The following INPP5B variants were observed in gnomAD, a reference collection of about 807,000 sequenced individuals.
The protein encoded by INPP5B is type II inositol 1,4,5-trisphosphate 5-phosphatase.
INPP5B carries 90 observed loss-of-function variants against 118.5 expected under a neutral mutation model. The ratio of observed to expected loss-of-function variants is 0.76; its 90% confidence interval spans 0.64 to 0.90. INPP5B has a LOEUF of 0.90. Among genes scored for constraint, INPP5B ranks in the 40% least tolerant of loss-of-function variants. INPP5B has a pLI of 0.00. For synonymous variants in INPP5B, 385 were observed against 418.9 expected, an observed-to-expected ratio of 0.92 and a Z score of 0.99; for missense variants, 984 against 1,125.6, an observed-to-expected ratio of 0.87 and a Z score of 1.80.
At chr1:37,896,578 G>A (rs1302396673) in intron 7 of INPP5B, among the ~76,000 whole-genome samples, 4 of 135,300 alleles carry the variant, frequency 3.0e-5, no homozygotes, top group Non-Finnish European at 6.3e-5. Context: ...CCGGCCAGCC[G>A]CTCCGTCCGG....
intron 7 of INPP5B, among the ~76,000 whole-genome samples, chr1:37,899,925 G>A (rs572852947): frequency 5.3e-5 from 8 of 151,432 alleles, no homozygotes; most frequent in Middle Eastern, 3.4e-3. Flanking sequence ...CGTGTTAGCC[G>A]GGATGATCTC....
chr1:37,927,354 G>C (rs892452694), intron 7 of INPP5B, among the ~76,000 whole-genome samples: 1 of 151,794 alleles, frequency 6.6e-6, no homozygotes, highest in Non-Finnish European at 1.5e-5. Context: ...CCAATCTACC[G>C]ATTCAACTAC....
intron 17 of INPP5B, among the ~76,000 whole-genome samples, chr1:37,874,696 G>A (rs1002767691): frequency 6.6e-6 from 1 of 152,100 alleles, no homozygotes; most frequent in African/African-American, 2.4e-5. Flanking sequence ...ACTGGGAGGC[G>A]GAGACAGGAG....
chr1:37,897,856 A>C (rs1644181803), intron 7 of INPP5B, among the ~76,000 whole-genome samples: 1 of 152,146 alleles, frequency 6.6e-6, no homozygotes, highest in Admixed American at 6.5e-5. Flanking sequence ...TGGTTACTTG[A>C]GCCCAGGAGT....
At chr1:37,869,874 T>C (rs1322040784) in intron 19 of INPP5B, 3 of 152,114 alleles carry the variant, frequency 2.0e-5, no homozygotes, top group Non-Finnish European at 4.4e-5. Context: ...AAGAGGGAGT[T>C]CAAGACTCCC....
At chr1:37,883,537 G>C in intron 13 of INPP5B, 1 of 985,434 alleles carries the variant, frequency 1.0e-6, no homozygotes, top group Non-Finnish European at 1.2e-6. Flanking sequence ...ATCTCATTAA[G>C]TCTAATACTG....
At chr1:37,877,597 A>G (rs887670188) in intron 16 of INPP5B, among the ~76,000 whole-genome samples, 5 of 152,238 alleles carry the variant, frequency 3.3e-5, no homozygotes, top group Non-Finnish European at 7.3e-5. Flanking sequence ...TTGAACCGCT[A>G]ATTTCATCTC....
At chr1:37,934,411 CAATT>C (rs1279480066) in intron 6 of INPP5B, among the ~76,000 whole-genome samples, 3 of 152,170 alleles carry the variant, frequency 2.0e-5, no homozygotes, top group African/African-American at 7.2e-5. Flanking sequence ...AGTAGGTGCT[CAATT>C]AATGTTAGCT....
intron 14 of INPP5B, among the ~76,000 whole-genome samples, chr1:37,881,196 G>A (rs1326470147): frequency 2.6e-5 from 4 of 152,206 alleles, no homozygotes; most frequent in Non-Finnish European, 4.4e-5. Context: ...ATAGAACTGC[G>A]TTGTCAAATT....
intron 14 of INPP5B, among the ~76,000 whole-genome samples, chr1:37,882,288 C>T (rs1643254227): frequency 6.6e-6 from 1 of 152,118 alleles, no homozygotes; most frequent in South Asian, 2.1e-4. Flanking sequence ...TTCTCTTGTA[C>T]TGTGAAACAG....
Position 37,887,477 on chromosome 1 carries a change from A to G in INPP5B, c.900-12T>C, listed in dbSNP as rs1339173902. On this transcript the variant is annotated splice_polypyrimidine_tract_variant and intron_variant, in intron 10 of 23. Coordinates refer to ENST00000373024, the MANE Select transcript of INPP5B (RefSeq NM_005540.3). ...CAAGCTCCTGGAACCTATTTTGAGA[A>G]GCAACCAGTTAGATAGTAAAGAAAA... 4 of 1,491,706 alleles carry G rather than the reference A, an allele frequency of 2.7e-6. No individual in the cohort carries two copies. Among genetic ancestry groups the G allele is most frequent in the Non-Finnish European group, 3.7e-6 (4 of 1,072,474 alleles). 92.4% of individuals were successfully genotyped at this position (1,491,706 alleles called of 1,614,324 possible).
chr1:37,865,796 AG>A lies in INPP5B; in HGVS notation c.2478del (p.Leu827TrpfsTer28). 2.5e-6 allele frequency: 4 copies of A among 1,613,704 alleles called. No homozygotes were observed. Among genetic ancestry groups the A allele is most frequent in the Non-Finnish European group, 3.4e-6 (4 of 1,179,722 alleles). Reference protein sequence around the residue: ...PVICYSTYHNCLECSGNYTAS... With the variant: ...PVICYSTYHNXLECSGNYTAS... ...GCTGTGTAGTTGCCAGAACACTCCA[AG>A]CAGTTATGGTAGGTGCTGTAACAGA... On this transcript the variant is annotated frameshift_variant, in exon 22 of 24. Transcript: ENST00000373024. LOFTEE classifies it high-confidence loss of function.
chr1:37,909,148 C>T (rs1342428104), intron 7 of INPP5B, among the ~76,000 whole-genome samples: 6 of 152,242 alleles, frequency 3.9e-5, no homozygotes, highest in African/African-American at 1.2e-4. Flanking sequence ...AGGTGCCTGA[C>T]GTCCAGGCAT....
chr1:37,885,323 A>G (rs1200149619), intron 13 of INPP5B, among the ~76,000 whole-genome samples: 1 of 152,054 alleles, frequency 6.6e-6, no homozygotes, highest in Non-Finnish European at 1.5e-5. Context: ...CTGAGGCAGG[A>G]GAACGGTATG....
intron 7 of INPP5B, among the ~76,000 whole-genome samples, chr1:37,894,591 T>C (rs1366076503): frequency 2.0e-5 from 3 of 150,632 alleles, no homozygotes; most frequent in Admixed American, 2.0e-4. Context: ...AGACAGGGTC[T>C]CGCTCTGTTG....
intron 7 of INPP5B, among the ~76,000 whole-genome samples, chr1:37,896,273 CCGGCAGCCGCCCCG>C (rs1644055943): frequency 1.3e-5 from 2 of 149,168 alleles, no homozygotes; most frequent in Non-Finnish European, 3.0e-5. Context: ...GCCCCTCCGC[CCGGCAGCCGCCCCG>C]TCTGAGAAGT....
At position 37,891,468 on chromosome 1, in the gene INPP5B, G is replaced by A. The variant is rs1399205396; in HGVS notation, c.533-14C>T. On this transcript the variant is annotated splice_polypyrimidine_tract_variant and intron_variant, in intron 7 of 23. Coordinates refer to ENST00000373024, the MANE Select transcript of INPP5B (RefSeq NM_005540.3). ...AGTTAGAACCACCTAAAGGGAAGGA[G>A]AAGAAATTAAAATATACATACATAG... The A allele has an allele frequency of 6.3e-7, 1 of 1,580,724 alleles. No individual in the cohort carries two copies. The highest frequency in any genetic ancestry group is 8.7e-7 in the Non-Finnish European group (1 of 1,150,044).
In INPP5B at chr1:37,888,334, C is replaced by G; in HGVS notation, c.808G>C (p.Gly270Arg). ...TYIQNFRFFA[G>R]TYNVNGQSPK... ...GACTGCCCATTTACATTGTATGTTCCCGCAAAAAACCTGTCACCAAAGAGA... is the reference window on the plus strand; with the variant it reads ...GACTGCCCATTTACATTGTATGTTCGCGCAAAAAACCTGTCACCAAAGAGA... The change falls in exon 10 of 24, where the codon GGA becomes CGA. Residue 270 changes from glycine to arginine, a missense_variant. Coordinates refer to ENST00000373024, the MANE Select transcript of INPP5B (RefSeq NM_005540.3). 1 of 1,531,784 alleles carries G rather than the reference C, an allele frequency of 6.5e-7. No individual in the cohort carries two copies. Among genetic ancestry groups the G allele is most frequent in the Non-Finnish European group, 8.8e-7 (1 of 1,140,000 alleles). 94.9% of individuals were successfully genotyped at this position (1,531,784 alleles called of 1,614,324 possible).
At position 37,875,743 on chromosome 1, in the gene INPP5B, T is replaced by A. The variant is rs536160124; in HGVS notation, c.1678-27A>T. ...TGAAAGGGAAACATCAGAGACTGAG[T>A]ACCTTGGCTTCTGCCCATTTCCTCT... is the stretch of plus-strand genomic sequence containing the variant. On this transcript the variant is annotated intron_variant, in intron 16 of 23. Coordinates refer to ENST00000373024, the MANE Select transcript of INPP5B (RefSeq NM_005540.3). 15 of 1,553,442 alleles carry A rather than the reference T, an allele frequency of 9.7e-6. No homozygotes were observed. In the East Asian group the frequency reaches 2.9e-4, roughly 30 times the overall value.
Sources: gnomAD v4.1 joint callset for allele counts (sites outside exome capture counted in the v4.1 genomes callset) on GRCh38, gnomAD v4.1.1 for gene constraint, MANE v1.5 for transcripts, NCBI Gene and HGNC (gene_info 2026-07-23, HGNC 2026-07-21) for gene names.